ILDR2: variants seen among roughly 807,000 people sequenced by gnomAD.
ILDR2 encodes the protein immunoglobulin like domain containing receptor 2, also known as immunoglobulin-like domain-containing receptor 2.
Under a neutral mutation model 66.8 loss-of-function variants are expected in ILDR2, and 25 were observed. The observed-to-expected ratio is 0.37, with a 90% CI of 0.27 to 0.52. The LOEUF is 0.52. ILDR2 is among the 20% of genes least tolerant of loss of function. ILDR2 has a pLI of 0.88. For synonymous variants in ILDR2, 367 were observed against 357.2 expected (o/e 1.03, Z -0.31); for missense variants, 827 against 876.8 (o/e 0.94, Z 0.72).
chr1:166,950,643 T>G (rs548613243), intron 3 of ILDR2, among the ~76,000 whole-genome samples: 1 of 152,154 alleles, frequency 6.6e-6, no homozygotes, highest in African/African-American at 2.4e-5. Flanking sequence ...CTATATGGCT[T>G]TTTAATACTA....
In ILDR2 at chr1:166,935,494, A is replaced by G; in HGVS notation, c.704-17T>C. 6.5e-7 allele frequency: 1 copy of G among 1,543,768 alleles called. No homozygotes were observed. The highest frequency in any genetic ancestry group is 1.3e-5 in the South Asian group (1 of 78,654). On this transcript the variant is annotated splice_polypyrimidine_tract_variant and intron_variant, in intron 5 of 9. Coordinates refer to ENST00000271417, the MANE Select transcript of ILDR2 (RefSeq NM_199351.3). The stretch of plus-strand genomic sequence containing the variant: ...CTTCATACACTGTGGAGGGAGATCA[A>G]GAGCAAGAGAGATTACGTCGTCCCA...
intron 3 of ILDR2, among the ~76,000 whole-genome samples, chr1:166,956,002 G>A (rs1013165805): frequency 1.3e-5 from 2 of 152,066 alleles, no homozygotes; most frequent in African/African-American, 4.8e-5. Flanking sequence ...AACATTAATA[G>A]AGCACAAAAT....
chr1:166,897,486 G>T (rs1190453511), intron 2 of ILDR2, among the ~76,000 whole-genome samples: 1 of 152,138 alleles, frequency 6.6e-6, no homozygotes, highest in African/African-American at 2.4e-5. Context: ...ATGGGGGCTG[G>T]CCATGCCAGT....
At chr1:166,927,302 C>G in intron 6 of ILDR2, 122 bp from the exon 7 acceptor site, 1 of 650,268 alleles carries the variant, frequency 1.5e-6, no homozygotes. Context: ...TTGAAATCAC[C>G]CAGAAATAAC....
At chr1:166,939,703 A>G (rs1228214308) in intron 3 of ILDR2, 133 bp from the exon 4 acceptor site, 3 of 679,562 alleles carry the variant, frequency 4.4e-6, no homozygotes, top group Non-Finnish European at 8.0e-6. Context: ...TGAGAAGCAC[A>G]TCACCAAAGC....
chr1:166,963,754 T>C (rs1179414802), intron 1 of ILDR2, among the ~76,000 whole-genome samples: 1 of 152,156 alleles, frequency 6.6e-6, no homozygotes, highest in Non-Finnish European at 1.5e-5. Context: ...TCCAACCCTT[T>C]GACTATAAGT....
chr1:166,958,252 G>A, intron 1 of ILDR2, 151 bp from the exon 2 acceptor site: 1 of 671,550 alleles, frequency 1.5e-6, no homozygotes, highest in Non-Finnish European at 2.5e-6. Flanking sequence ...TATCCATCTG[G>A]TTGCTTTGTG....
At chr1:166,930,299 T>C (rs1055790490) in intron 6 of ILDR2, among the ~76,000 whole-genome samples, 7 of 152,222 alleles carry the variant, frequency 4.6e-5, no homozygotes, top group Admixed American at 3.3e-4. Context: ...CAAATGAAGA[T>C]GATAGTTTTG....
chr1:166,929,855 G>C (rs560576319), intron 6 of ILDR2, among the ~76,000 whole-genome samples: 2 of 152,272 alleles, frequency 1.3e-5, no homozygotes, highest in South Asian at 2.1e-4. Context: ...GAAAGGCTTG[G>C]ATCGTAGAAA....
At chr1:166,898,139 G>A (rs1431388454) in intron 2 of ILDR2, among the ~76,000 whole-genome samples, 4 of 152,210 alleles carry the variant, frequency 2.6e-5, no homozygotes, top group Non-Finnish European at 5.9e-5. Flanking sequence ...AGGAAATGAA[G>A]TCTAGTTGGG....
Position 166,901,947 on chromosome 1 carries a change from G to A in ILDR2, n.171+5106C>T, listed in dbSNP as rs530389325. The stretch of plus-strand genomic sequence containing the variant: ...GTGATCTCGGCTCACTGCAACCTCC[G>A]CCTCCCGGGTTCAGGCGATTCTCCC... On this transcript the variant is annotated intron_variant and non_coding_transcript_variant, in intron 2 of 2. Transcript: ENST00000414590. Among the ~76,000 whole-genome samples the A allele has an allele frequency of 7.2e-5, 11 of 152,232 alleles. No homozygotes were observed. The South Asian group carries it at 1.5e-3, about 20-fold the overall frequency.
Position 166,975,246 on chromosome 1 carries a change from C to G in ILDR2, c.23G>C (p.Trp8Ser), listed in dbSNP as rs779051304. ...ACCTGTTAGCCAGAAGAGAGAAATC[C>G]ACCTCAGCAAGACCCTATCCATCTT... MDRVLLR[W>S]ISLFWLTAMV... The change falls in exon 1 of 10, where the codon TGG (tryptophan) becomes TCG (serine). Residue 8 changes from tryptophan (W) to serine (S), a missense_variant. Coordinates refer to ENST00000271417, the MANE Select transcript of ILDR2 (RefSeq NM_199351.3). 8.2e-5 allele frequency: 132 copies of G among 1,613,460 alleles called. No individual in the cohort carries two copies. The East Asian group carries it at 2.9e-3, about 36-fold the overall frequency.
chr1:166,896,805 T>C (rs1659174601), intron 2 of ILDR2, among the ~76,000 whole-genome samples: 1 of 151,906 alleles, frequency 6.6e-6, no homozygotes, highest in South Asian at 2.1e-4. Context: ...CCAGCTAACT[T>C]TTTATTTTTA....
At chr1:166,958,621 T>C (rs547856290) in intron 1 of ILDR2, among the ~76,000 whole-genome samples, 3 of 152,294 alleles carry the variant, frequency 2.0e-5, no homozygotes, top group African/African-American at 4.8e-5. Flanking sequence ...CAGTTCTTTA[T>C]AGCAGTGTGA....
At chr1:166,944,962 G>A (rs1283229263) in intron 3 of ILDR2, among the ~76,000 whole-genome samples, 1 of 152,122 alleles carries the variant, frequency 6.6e-6, no homozygotes, top group Non-Finnish European at 1.5e-5. Context: ...AGCGTGAGGA[G>A]GCACCTCACC....
intron 1 of ILDR2, among the ~76,000 whole-genome samples, chr1:166,965,342 C>G (rs1410899436): frequency 1.3e-5 from 2 of 151,802 alleles, no homozygotes; most frequent in Admixed American, 6.6e-5. Context: ...ATACACATAG[C>G]CTGAGGGTAA....
At position 166,961,093 on chromosome 1, in the gene ILDR2, C is replaced by CT. The variant is rs1329138066; in HGVS notation, c.47-2993dup. ...TGCTTGGGAAATCACATTTCTTAGC[C>CT]TTTCTTTTTTTCTTCTTTCCAACTT... On this transcript the variant is annotated intron_variant, in intron 1 of 9. Coordinates refer to ENST00000271417, the MANE Select transcript of ILDR2 (RefSeq NM_199351.3). Among the ~76,000 whole-genome samples the CT allele has an allele frequency of 2.0e-5, 3 of 152,262 alleles. No individual in the cohort carries two copies. The East Asian group carries it at 5.8e-4, about 29-fold the overall frequency.
At position 166,901,405 on chromosome 1, in the gene ILDR2, T is replaced by A. The variant is rs558201320; in HGVS notation, n.172-5304A>T. On this transcript the variant is annotated intron_variant and non_coding_transcript_variant, in intron 2 of 2. Coordinates refer to the ILDR2 transcript ENST00000414590. ...CAACTATGAACAGCTTTTGAACAAGTTCCTTATTCATAGAATGACAAGCAA... is the reference window on the plus strand; with the variant it reads ...CAACTATGAACAGCTTTTGAACAAGATCCTTATTCATAGAATGACAAGCAA... Among the ~76,000 whole-genome samples, 15 of 152,242 alleles carry A rather than the reference T, an allele frequency of 9.9e-5. No homozygotes were observed. In the South Asian group the frequency reaches 3.1e-3, roughly 32 times the overall value.
At chr1:166,898,092 T>C (rs1376981738) in intron 2 of ILDR2, among the ~76,000 whole-genome samples, 2 of 152,162 alleles carry the variant, frequency 1.3e-5, no homozygotes, top group Non-Finnish European at 2.9e-5. Context: ...TGACAATGAC[T>C]CCACAGTTTC....
Sources: allele counts gnomAD v4.1 joint callset (sites outside exome capture counted in the v4.1 genomes callset), GRCh38; gene constraint gnomAD v4.1.1; transcripts MANE v1.5; gene names NCBI Gene and HGNC (gene_info 2026-07-23, HGNC 2026-07-21).